The following TAF3 variants were observed in gnomAD, a reference collection of about 807,000 sequenced individuals.
TAF3 encodes TATA-box binding protein associated factor 3.
TAF3 carries 7 observed loss-of-function variants against 80.6 expected under a neutral mutation model. The observed-to-expected ratio is 0.09, with a 90% CI of 0.05 to 0.16. The LOEUF (loss-of-function observed/expected upper bound fraction) is 0.16, where lower values mean the gene tolerates loss of function less well. TAF3 is among the 10% of genes least tolerant of loss of function. The probability of loss-of-function intolerance (pLI) is 1.00; values close to 1 mark genes in which losing one functional copy is unlikely to be tolerated. For missense variants in TAF3, 921 were observed against 1,140.2 expected (o/e 0.81, Z 2.77); for synonymous variants, 444 against 446.1 (o/e 1.00, Z 0.06).
intron 2 of TAF3, among the ~76,000 whole-genome samples, chr10:7,945,095 G>C (rs1372070228): frequency 1.3e-5 from 2 of 152,082 alleles, no homozygotes. Context: ...AATAGGATAA[G>C]GCTTTGTCCC....
At chr10:7,924,751 GTTTT>G (rs930380950) in intron 2 of TAF3, among the ~76,000 whole-genome samples, 1 of 145,636 alleles carries the variant, frequency 6.9e-6, no homozygotes, top group African/African-American at 2.5e-5. Context: ...CACTATCTGT[GTTTT>G]TTTTTTTCTT....
chr10:7,994,125 A>G (rs1831861622), intron 4 of TAF3, among the ~76,000 whole-genome samples: 1 of 139,894 alleles, frequency 7.1e-6, no homozygotes, highest in African/African-American at 2.7e-5. Context: ...TTTTGTTTTC[A>G]TGTTCATATT....
chr10:7,896,563 C>T (rs1049376476), intron 2 of TAF3, among the ~76,000 whole-genome samples: 5 of 152,152 alleles, frequency 3.3e-5, no homozygotes, highest in East Asian at 3.8e-4. Flanking sequence ...ACCTCTCATT[C>T]GACAGTCGCA....
At chr10:7,932,762 C>T (rs144775772) in intron 2 of TAF3, among the ~76,000 whole-genome samples, 1,612 of 146,830 alleles carry the variant, frequency 0.011, 31 homozygotes, top group African/African-American at 0.038. Flanking sequence ...ACTACAGCCT[C>T]GACCTCTCAG....
intron 4 of TAF3, among the ~76,000 whole-genome samples, chr10:7,985,375 C>T (rs975229091): frequency 3.3e-5 from 5 of 152,178 alleles, no homozygotes; most frequent in African/African-American, 7.2e-5. Context: ...CTCTTAGCTC[C>T]TCTCCTCTGT....
At chr10:7,862,891 T>G (rs1413932979) in intron 2 of TAF3, among the ~76,000 whole-genome samples, 2 of 152,232 alleles carry the variant, frequency 1.3e-5, no homozygotes, top group Non-Finnish European at 2.9e-5. Flanking sequence ...TATTGTTGAG[T>G]ATTGTTCCAT....
At chr10:7,990,025 G>A (rs1588578767) in intron 4 of TAF3, among the ~76,000 whole-genome samples, 1 of 141,964 alleles carries the variant, frequency 7.0e-6, no homozygotes, top group East Asian at 2.0e-4. Context: ...AAGAGACCCA[G>A]TTAAAATTAA....
chr10:8,012,765 T>C (rs1832067365), intron 5 of TAF3, among the ~76,000 whole-genome samples: 3 of 152,216 alleles, frequency 2.0e-5, no homozygotes, highest in African/African-American at 7.2e-5. Context: ...GTGAAACATA[T>C]ATGGACCCCC....
intron 4 of TAF3, among the ~76,000 whole-genome samples, chr10:7,985,483 G>A (rs946076515): frequency 6.6e-6 from 1 of 152,112 alleles, no homozygotes; most frequent in Admixed American, 6.5e-5. Context: ...TGAGAAAAAG[G>A]CTATGTAACA....
At chr10:7,869,956 A>T (rs1384439149) in intron 2 of TAF3, among the ~76,000 whole-genome samples, 1 of 152,152 alleles carries the variant, frequency 6.6e-6, no homozygotes, top group Non-Finnish European at 1.5e-5. Context: ...TGGCCCAGAG[A>T]TTACTGAACT....
intron 4 of TAF3, 136 bp from the exon 5 acceptor site, chr10:8,008,942 A>C (rs1448721283): frequency 1.6e-6 from 2 of 1,284,600 alleles, no homozygotes; most frequent in African/African-American, 3.1e-5. Flanking sequence ...CCTGGAACTC[A>C]GTTCTTGAGC....
At chr10:7,916,485 A>T (rs1837713289) in intron 2 of TAF3, among the ~76,000 whole-genome samples, 1 of 152,260 alleles carries the variant, frequency 6.6e-6, no homozygotes, top group Non-Finnish European at 1.5e-5. Flanking sequence ...GTATCTGCTA[A>T]TATACCTATA....
intron 2 of TAF3, among the ~76,000 whole-genome samples, chr10:7,888,830 G>C (rs1417990109): frequency 6.6e-6 from 1 of 152,200 alleles, no homozygotes; most frequent in Non-Finnish European, 1.5e-5. Flanking sequence ...CACCTAACAA[G>C]AAGTTGGCCT....
intron 2 of TAF3, among the ~76,000 whole-genome samples, chr10:7,843,838 A>C (rs1217088727): frequency 6.6e-6 from 1 of 151,818 alleles, no homozygotes; most frequent in African/African-American, 2.4e-5. Context: ...GGTTAAATAC[A>C]CTCTTGTTAG....
rs2131441456 is a variant in TAF3, at chr10:8,009,323, C to G, written c.2561C>G (p.Thr854Ser). 6.3e-7 allele frequency: 1 copy of G among 1,593,082 alleles called. No homozygotes were observed. The highest frequency in any genetic ancestry group is 2.3e-5 in the East Asian group (1 of 42,668). The change falls in exon 5 of 7, where the codon ACC becomes AGC. Residue 854 changes from threonine (T) to serine (S), a missense_variant. Physicochemically the swap from Thr to Ser is moderately conservative, Grantham distance 58. Coordinates refer to ENST00000344293, the MANE Select transcript of TAF3 (RefSeq NM_031923.4). The surrounding 1 kb of genome is among the most constrained non-coding windows in gnomAD (Gnocchi z 4.1). ...AGCGTGGTGACTGAGACGGTCAGCA[C>G]CTACGTGGTGCGTACCTGCCGCCCG... is the stretch of plus-strand genomic sequence containing the variant. Reference protein sequence around the residue: ...VRSVVTETVSTYVIRDEWGNQ... With the variant: ...VRSVVTETVSSYVIRDEWGNQ...
chr10:7,958,722 GATT>G, intron 2 of TAF3, among the ~76,000 whole-genome samples: 1 of 152,316 alleles, frequency 6.6e-6, no homozygotes, highest in South Asian at 2.1e-4. Flanking sequence ...GGTGTTCACT[GATT>G]ATTATGCTTC....
In TAF3 at chr10:7,818,583, CG is replaced by C; in HGVS notation, c.-122del. ...GCTGCTGGGGCTTTGAGGTGGTCGC[CG>C]GGGGTCCGGGGGACCCTTTCCCCGC... On this transcript the variant is annotated 5_prime_UTR_variant, in exon 1 of 7. Transcript: ENST00000344293. 4.6e-6 allele frequency: 5 copies of C among 1,082,836 alleles called. No individual in the cohort carries two copies. The highest frequency in any genetic ancestry group is 3.1e-5 in the East Asian group (1 of 31,982). The allele number at this position is 1,082,836 out of a possible 1,614,324, so 67.1% of individuals were successfully genotyped here. A position where few individuals can be genotyped will look rare whatever the true frequency, so the allele number is the denominator to read the frequency against.
At chr10:7,939,656 A>T (rs1042542391) in intron 2 of TAF3, among the ~76,000 whole-genome samples, 1 of 151,948 alleles carries the variant, frequency 6.6e-6, no homozygotes, top group Admixed American at 6.6e-5. Context: ...ACAAGAGCAG[A>T]AAATGTCAGA....
chr10:7,850,595 G>A (rs1255698301), intron 2 of TAF3, among the ~76,000 whole-genome samples: 2 of 151,780 alleles, frequency 1.3e-5, no homozygotes, highest in East Asian at 3.9e-4. Flanking sequence ...AGAATTGCTT[G>A]AACCCAGGAG....
Sources: gnomAD v4.1 joint callset for allele counts (sites outside exome capture counted in the v4.1 genomes callset) on GRCh38, gnomAD v4.1.1 for gene constraint, Gnocchi (gnomAD v3.1) non-coding constraint, MANE v1.5 for transcripts, NCBI Gene and HGNC (gene_info 2026-07-23, HGNC 2026-07-21) for gene names.